PLCG2: variants seen among roughly 807,000 people sequenced by gnomAD.
PLCG2 encodes the protein phospholipase C gamma 2.
In PLCG2, 69 loss-of-function variants were observed where a neutral mutation model predicts 175.6. That is an observed-to-expected ratio of 0.39 (90% CI 0.32 to 0.48). The LOEUF is 0.48. Ranked by LOEUF, PLCG2 falls within the 20% of genes least tolerant of loss-of-function variation. The pLI is 0.91. For synonymous variants in PLCG2, 827 were observed against 624.0 expected (o/e 1.33, Z -4.85); for missense variants, 1,798 against 1,650.9 (o/e 1.09, Z -1.54).
At chr16:81,876,392 A>G (rs749491401) in intron 7 of PLCG2, among the ~76,000 whole-genome samples, 7 of 152,082 alleles carry the variant, frequency 4.6e-5, no homozygotes, top group Non-Finnish European at 7.4e-5. Flanking sequence ...CCTAAGTACC[A>G]CTGAGTGCGT....
rs367678289 is a variant in PLCG2, at chr16:81,900,710, C to T, written c.1292C>T (p.Thr431Met). 29 of 1,613,270 alleles carry T rather than the reference C, an allele frequency of 1.8e-5. No homozygotes were observed. The highest frequency in any genetic ancestry group is 5.5e-5 in the South Asian group (5 of 91,070). The change falls in exon 14 of 33, where the codon ACG (threonine) becomes ATG (methionine). Residue 431 changes from threonine (T) to methionine (M), a missense_variant. Coordinates refer to ENST00000564138, the MANE Select transcript of PLCG2 (RefSeq NM_002661.5). ...FKEVFGDLLL[T>M]KPTEASADQL... ...GAAGTATTTGGCGACCTGCTGTTGA[C>T]GAAGCCCACGGAGGCCAGTGCTGAC...
chr16:81,739,425 G>C (rs1273740005), intron 1 of PLCG2: 1 of 152,062 alleles, frequency 6.6e-6, no homozygotes, highest in Admixed American at 6.5e-5. Context: ...TTTTCCGCTC[G>C]AGTGGAGCCT....
At chr16:81,872,002 C>T (rs1907539889) in intron 7 of PLCG2, among the ~76,000 whole-genome samples, 2 of 152,172 alleles carry the variant, frequency 1.3e-5, no homozygotes, top group African/African-American at 4.8e-5. Flanking sequence ...AGCAGATTTA[C>T]ATCAGGAGTC....
chr16:81,749,368 C>G (rs1239242131), intron 1 of PLCG2, among the ~76,000 whole-genome samples: 1 of 151,610 alleles, frequency 6.6e-6, no homozygotes, highest in African/African-American at 2.4e-5. Flanking sequence ...TATTTTTTTG[C>G]GATGGAGTCT....
chr16:81,812,121 C>T (rs1251171556), intron 2 of PLCG2, among the ~76,000 whole-genome samples: 4 of 145,448 alleles, frequency 2.8e-5, no homozygotes, highest in Non-Finnish European at 6.0e-5. Context: ...GCTATCTCAG[C>T]TCACTGCAAG....
chr16:81,880,527 A>G lies in PLCG2; in HGVS notation c.649-383A>G, dbSNP rs866843220. 5.3e-5 allele frequency among the ~76,000 whole-genome samples: 8 copies of G among 152,158 alleles called. 1 individual carries two copies. Among genetic ancestry groups the G allele is most frequent in the African/African-American group, 1.7e-4 (7 of 41,424 alleles). On this transcript the variant is annotated intron_variant, in intron 7 of 32. Transcript: ENST00000564138. ...TACAATGGTTTTTCAAAGAAAGGAAACAGGGTTATTTGAGGTTGCAGAATA... is the reference window on the plus strand; with the variant it reads ...TACAATGGTTTTTCAAAGAAAGGAAGCAGGGTTATTTGAGGTTGCAGAATA...
chr16:81,949,517 C>T (rs62044950), intron 31 of PLCG2, among the ~76,000 whole-genome samples: 8,508 of 152,124 alleles, frequency 0.056, 325 homozygotes, highest in Non-Finnish European at 0.085. Context: ...GTCCAGCCCC[C>T]GACATGTCAA....
At position 81,888,128 on chromosome 16, in the gene PLCG2, A is replaced by G. The variant is rs536430297; in HGVS notation, c.766-1044A>G. On this transcript the variant is annotated intron_variant, in intron 9 of 32. Coordinates refer to ENST00000564138, the MANE Select transcript of PLCG2 (RefSeq NM_002661.5). ...TTTCTGTAAAATGACAATGGCAATA[A>G]ATGACTTGCGGAGTTGTGTGGACTA... Among the ~76,000 whole-genome samples, 26 of 152,346 alleles carry G rather than the reference A, an allele frequency of 1.7e-4. No individual in the cohort carries two copies. In the South Asian group the frequency reaches 5.4e-3, roughly 32 times the overall value.
chr16:81,862,288 C>G (rs770461235), intron 5 of PLCG2, among the ~76,000 whole-genome samples: 1 of 152,246 alleles, frequency 6.6e-6, no homozygotes, highest in Non-Finnish European at 1.5e-5. Flanking sequence ...GGCCCAAGCA[C>G]GCTGTTTCAT....
At chr16:81,788,474 G>A (rs1423534948) in intron 2 of PLCG2, among the ~76,000 whole-genome samples, 2 of 152,132 alleles carry the variant, frequency 1.3e-5, no homozygotes, top group Non-Finnish European at 2.9e-5. Context: ...TAGAGACGGG[G>A]TCTCACTGTG....
At chr16:81,772,077 C>G (rs1910293374) in intron 2 of PLCG2, among the ~76,000 whole-genome samples, 1 of 152,144 alleles carries the variant, frequency 6.6e-6, no homozygotes, top group Non-Finnish European at 1.5e-5. Context: ...GCCACTGGTG[C>G]AAGGCTGGAA....
chr16:81,929,528 C>T (rs962046736), intron 24 of PLCG2, among the ~76,000 whole-genome samples: 11 of 152,078 alleles, frequency 7.2e-5, no homozygotes, highest in African/African-American at 2.2e-4. Context: ...CCTGAGTAGC[C>T]GGGACTACAG....
Position 81,960,546 on chromosome 16 carries a change from A to C in PLCG2, c.*2548A>C. The C allele has an allele frequency of 4.3e-6, 1 of 231,494 alleles. No individual in the cohort carries two copies. The highest frequency in any genetic ancestry group is 5.6e-5 in the Admixed American group (1 of 17,722). 14.3% of individuals were successfully genotyped at this position (231,494 alleles called of 1,614,324 possible). On this transcript the variant is annotated 3_prime_UTR_variant, in exon 33 of 33. Coordinates refer to ENST00000564138, the MANE Select transcript of PLCG2 (RefSeq NM_002661.5). ...TTGGGAAACTTAGGTTATAAAAACT[A>C]AATAAAGTTTTTCTACTGTGAGACT...
intron 30 of PLCG2, among the ~76,000 whole-genome samples, chr16:81,945,391 G>A (rs1299117284): frequency 6.6e-6 from 1 of 152,248 alleles, no homozygotes. Flanking sequence ...TATCATTTGT[G>A]ATTAAAAGCA....
rs184432148 is a variant in PLCG2 at position 81,750,283 on chromosome 16, G to A, written c.-144-5587G>A. On this transcript the variant is annotated intron_variant, in intron 1 of 5. Coordinates refer to the PLCG2 transcript ENST00000565054. ...ACAACAACAAAAATTAGCTGGACAT[G>A]GTGGCGGGCATCCGTAATCCTAGCT... 3.8e-3 allele frequency among the ~76,000 whole-genome samples: 576 copies of A among 152,104 alleles called. 22 individuals are homozygous for A. The highest frequency in any genetic ancestry group is 0.034 in the Admixed American group (514 of 15,252).
chr16:81,853,069 G>T lies in PLCG2; in HGVS notation c.194-1375G>T, dbSNP rs565617564. On this transcript the variant is annotated intron_variant, in intron 2 of 32. Transcript: ENST00000564138. The stretch of plus-strand genomic sequence containing the variant: ...CCCCAGGCTGGGCCCGCTGGCTCAC[G>T]CCTGTAATCCTAGCACTTTGGGAGG... Among the ~76,000 whole-genome samples the T allele has an allele frequency of 1.3e-4, 20 of 152,296 alleles. No homozygotes were observed. In the South Asian group the frequency reaches 1.9e-3, roughly 14 times the overall value.
In PLCG2 at chr16:81,832,465, C is replaced by T. The variant is rs539016518; in HGVS notation, c.194-21979C>T. On this transcript the variant is annotated intron_variant, in intron 2 of 32. Coordinates refer to ENST00000564138, the MANE Select transcript of PLCG2 (RefSeq NM_002661.5). ...AGCGCAGTGGCATGATCACGGCTCACTGCAACCTCTGTCTCCTGGGTTCAA... is the reference window on the plus strand; with the variant it reads ...AGCGCAGTGGCATGATCACGGCTCATTGCAACCTCTGTCTCCTGGGTTCAA... 9.8e-5 allele frequency among the ~76,000 whole-genome samples: 15 copies of T among 152,376 alleles called. No homozygotes were observed. In the East Asian group the frequency reaches 2.9e-3, roughly 29 times the overall value.
At chr16:81,815,709 C>T (rs948395888) in intron 2 of PLCG2, among the ~76,000 whole-genome samples, 8 of 152,016 alleles carry the variant, frequency 5.3e-5, no homozygotes, top group Non-Finnish European at 7.4e-5. Context: ...GTGGCTTCTT[C>T]GATTCTCGCG....
chr16:81,929,899 C>T (rs1280079931), intron 24 of PLCG2, among the ~76,000 whole-genome samples: 1 of 152,252 alleles, frequency 6.6e-6, no homozygotes, highest in Non-Finnish European at 1.5e-5. Context: ...TTCCCCCATC[C>T]CTGTATCTGC....
Sources: gnomAD v4.1 joint callset for allele counts (sites outside exome capture counted in the v4.1 genomes callset) on GRCh38, gnomAD v4.1.1 for gene constraint, MANE v1.5 for transcripts, NCBI Gene and HGNC (gene_info 2026-07-23, HGNC 2026-07-21) for gene names.